The following CADPS2 variants were observed in gnomAD, a reference collection of about 807,000 sequenced individuals.
The protein encoded by CADPS2 is calcium dependent secretion activator 2.
In CADPS2, 93 loss-of-function variants were observed where a neutral mutation model predicts 172.5. The observed-to-expected ratio is 0.54, with a 90% confidence interval of 0.46 to 0.64. The LOEUF (loss-of-function observed/expected upper bound fraction) is 0.64. Among genes scored for constraint, CADPS2 ranks in the 30% least tolerant of loss-of-function variants. CADPS2 has a pLI of 0.00. For missense variants in CADPS2, 1,420 were observed against 1,565.9 expected, an observed-to-expected ratio of 0.91 and a Z score of 1.57; for synonymous variants, 546 against 555.2, an observed-to-expected ratio of 0.98 and a Z score of 0.23.
At chr7:122,692,829 T>A (rs991914173) in intron 2 of CADPS2, among the ~76,000 whole-genome samples, 1 of 152,162 alleles carries the variant, frequency 6.6e-6, no homozygotes, top group Non-Finnish European at 1.5e-5. Context: ...TCTCACGCAC[T>A]GTTCTCTCTG....
intron 1 of CADPS2, among the ~76,000 whole-genome samples, chr7:122,815,476 C>A (rs1308638390): frequency 2.0e-5 from 3 of 152,086 alleles, no homozygotes; most frequent in Non-Finnish European, 2.9e-5. Flanking sequence ...AAAACATTAA[C>A]CCTCATTTAG....
intron 3 of CADPS2, among the ~76,000 whole-genome samples, chr7:122,647,759 AT>A (rs1394268013): frequency 2.0e-5 from 3 of 152,220 alleles, no homozygotes; most frequent in Non-Finnish European, 4.4e-5. Flanking sequence ...AAAAAGCTTT[AT>A]ATGAAAAATG....
chr7:122,822,310 C>G (rs997678376), intron 1 of CADPS2, among the ~76,000 whole-genome samples: 8 of 152,020 alleles, frequency 5.3e-5, no homozygotes, highest in African/African-American at 1.9e-4. Flanking sequence ...AGGCCATCAC[C>G]AATCATTCTA....
intron 15 of CADPS2, among the ~76,000 whole-genome samples, chr7:122,444,512 T>C (rs1384590074): frequency 3.3e-5 from 5 of 152,218 alleles, no homozygotes; most frequent in African/African-American, 1.2e-4. Context: ...ACTATACCAC[T>C]AAGTATGCAG....
chr7:122,772,497 C>T (rs2093734502), intron 1 of CADPS2, among the ~76,000 whole-genome samples: 1 of 152,110 alleles, frequency 6.6e-6, no homozygotes, highest in South Asian at 2.1e-4. Context: ...ACCTGAGTAA[C>T]TAATTATTTG....
At position 122,827,593 on chromosome 7, in the gene CADPS2, T is replaced by C. The variant is rs987304427; in HGVS notation, c.339+58406A>G. Among the ~76,000 whole-genome samples, 4 of 151,422 alleles carry C rather than the reference T, an allele frequency of 2.6e-5. No individual in the cohort carries two copies. The East Asian group carries it at 5.9e-4, about 22-fold the overall frequency. Reference sequence around the variant, plus strand: ...GTTCTGGTGAGCCAAGATCGTGCCATTGCACTCCAGCCTGGGCAACATGAG... The same window carrying C: ...GTTCTGGTGAGCCAAGATCGTGCCACTGCACTCCAGCCTGGGCAACATGAG... On this transcript the variant is annotated intron_variant, in intron 1 of 29. Coordinates refer to ENST00000449022, the MANE Select transcript of CADPS2 (RefSeq NM_017954.11).
At chr7:122,370,885 T>C (rs190758005) in intron 25 of CADPS2, among the ~76,000 whole-genome samples, 2 of 152,280 alleles carry the variant, frequency 1.3e-5, no homozygotes, top group East Asian at 1.9e-4. Flanking sequence ...TGAAGGGACT[T>C]GTAGGTGATG....
intron 25 of CADPS2, among the ~76,000 whole-genome samples, chr7:122,364,875 A>G (rs2040655742): frequency 1.3e-5 from 2 of 152,262 alleles, no homozygotes; most frequent in Admixed American, 6.5e-5. Flanking sequence ...ATAACTGCAC[A>G]TGACACAAGG....
At chr7:122,742,221 T>C (rs1003952762) in intron 1 of CADPS2, among the ~76,000 whole-genome samples, 1 of 151,346 alleles carries the variant, frequency 6.6e-6, no homozygotes, top group Admixed American at 6.6e-5. Flanking sequence ...TGAAACCCCG[T>C]CTCTACTAAA....
intron 6 of CADPS2, among the ~76,000 whole-genome samples, chr7:122,601,585 C>T (rs1399825976): frequency 6.6e-6 from 1 of 151,986 alleles, no homozygotes; most frequent in Non-Finnish European, 1.5e-5. Context: ...GGATCATCTT[C>T]TCTTCCTTAA....
intron 1 of CADPS2, among the ~76,000 whole-genome samples, chr7:122,782,088 ATTAT>A (rs1792885199): frequency 6.6e-6 from 1 of 152,204 alleles, no homozygotes; most frequent in African/African-American, 2.4e-5. Flanking sequence ...ATTCTAAATA[ATTAT>A]TTACATTTTC....
intron 1 of CADPS2, among the ~76,000 whole-genome samples, chr7:122,791,334 A>T (rs746937781): frequency 3.3e-5 from 5 of 152,098 alleles, no homozygotes; most frequent in African/African-American, 4.8e-5. Context: ...TGAAAGATAC[A>T]CACACACACT....
intron 20 of CADPS2, among the ~76,000 whole-genome samples, chr7:122,396,828 C>T (rs1472225300): frequency 6.6e-6 from 1 of 152,122 alleles, no homozygotes; most frequent in Non-Finnish European, 1.5e-5. Flanking sequence ...TTTCTCGCTG[C>T]CTACAAGGAT....
intron 27 of CADPS2, among the ~76,000 whole-genome samples, chr7:122,356,073 A>G (rs986885038): frequency 2.6e-5 from 4 of 152,204 alleles, no homozygotes; most frequent in Non-Finnish European, 5.9e-5. Flanking sequence ...ATATTGACAC[A>G]ATATTATTAA....
chr7:122,762,900 C>T (rs2093435053), intron 1 of CADPS2, among the ~76,000 whole-genome samples: 1 of 151,742 alleles, frequency 6.6e-6, no homozygotes, highest in South Asian at 2.1e-4. Context: ...ATGAAAAGAC[C>T]AAGAAAGAGA....
chr7:122,883,938 T>G (rs1438519475), intron 1 of CADPS2, among the ~76,000 whole-genome samples: 1 of 152,174 alleles, frequency 6.6e-6, no homozygotes, highest in Non-Finnish European at 1.5e-5. Context: ...CCAGTAGTAT[T>G]GTGAATGCAC....
chr7:122,619,314 T>C (rs2075311493), intron 5 of CADPS2, among the ~76,000 whole-genome samples: 1 of 152,146 alleles, frequency 6.6e-6, no homozygotes, highest in Non-Finnish European at 1.5e-5. Flanking sequence ...CTCTACAAAT[T>C]ATTTTTTTCA....
At chr7:122,366,636 C>CAG (rs2040898765) in intron 25 of CADPS2, 1 of 141,460 alleles carries the variant, frequency 7.1e-6, no homozygotes, top group Non-Finnish European at 1.5e-5. Context: ...CACACACACA[C>CAG]ACACACACAC....
At chr7:122,664,958 T>C (rs112960401) in intron 2 of CADPS2, among the ~76,000 whole-genome samples, 12 of 93,870 alleles carry the variant, frequency 1.3e-4, no homozygotes, top group Non-Finnish European at 2.0e-4. Context: ...GGCTAGTTTT[T>C]GTATTTTTTT....
Sources: gnomAD v4.1 joint callset for allele counts (sites outside exome capture counted in the v4.1 genomes callset) on GRCh38, gnomAD v4.1.1 for gene constraint, MANE v1.5 for transcripts, NCBI Gene and HGNC (gene_info 2026-07-23, HGNC 2026-07-21) for gene names.